SLC9C1: variants seen among roughly 807,000 people sequenced by gnomAD.
The protein encoded by SLC9C1 is sodium/hydrogen exchanger 10.
A neutral mutation model predicts 140.9 loss-of-function variants in SLC9C1; 97 were observed. The observed-to-expected ratio is 0.69, with a 90% confidence interval of 0.58 to 0.82. SLC9C1 has a LOEUF of 0.82. Among genes scored for constraint, SLC9C1 ranks in the 40% least tolerant of loss-of-function variants. The pLI, the probability that SLC9C1 is intolerant of heterozygous loss-of-function variation, is 0.00. For missense variants in SLC9C1, 1,340 were observed against 1,389.3 expected, an observed-to-expected ratio of 0.96 and a Z score of 0.56; for synonymous variants, 440 against 442.6, an observed-to-expected ratio of 0.99 and a Z score of 0.07.
At chr3:112,240,722 A>C (rs1001850125) in intron 11 of SLC9C1, among the ~76,000 whole-genome samples, 8 of 152,232 alleles carry the variant, frequency 5.3e-5, no homozygotes, top group Non-Finnish European at 1.0e-4. Context: ...AGTTAAGCAC[A>C]TATGATAAAT....
chr3:112,263,042 C>A lies in SLC9C1; in HGVS notation c.1079G>T (p.Ser360Ile). 3.1e-6 allele frequency: 5 copies of A among 1,602,050 alleles called. No homozygotes were observed. The highest frequency in any genetic ancestry group is 4.3e-6 in the Non-Finnish European group (5 of 1,174,930). The change falls in exon 10 of 29, where the codon AGT becomes ATT. Residue 360 changes from serine (S) to isoleucine (I), a missense_variant. Coordinates refer to ENST00000305815, the MANE Select transcript of SLC9C1 (RefSeq NM_183061.3). Reference protein sequence around the residue: ...PVLSRVGHEFSWRWIFIMVCS... With the variant: ...PVLSRVGHEFIWRWIFIMVCS... ...GACCATTATGAATATCCAGCGCCAA[C>A]TGAACTCATGACCAACTCGAGACAA...
chr3:112,221,874 T>C (rs1009763059), intron 13 of SLC9C1, among the ~76,000 whole-genome samples: 2 of 152,170 alleles, frequency 1.3e-5, no homozygotes, highest in African/African-American at 4.8e-5. Context: ...ATCCATATGC[T>C]GAACACTATT....
At chr3:112,150,801 TATATATATAAATACATATAC>T (rs1281968570) in intron 28 of SLC9C1, among the ~76,000 whole-genome samples, 11 of 48,532 alleles carry the variant, frequency 2.3e-4, no homozygotes, top group East Asian at 1.0e-3. Flanking sequence ...TACATATATA[TATATATATAAATACATATAC>T]ATATATATAT....
At chr3:112,247,770 T>C (rs1349143760) in intron 10 of SLC9C1, among the ~76,000 whole-genome samples, 1 of 151,998 alleles carries the variant, frequency 6.6e-6, no homozygotes, top group Non-Finnish European at 1.5e-5. Context: ...TTTTATAATA[T>C]CAGAACTTTG....
chr3:112,232,174 C>T (rs6781343), intron 12 of SLC9C1, among the ~76,000 whole-genome samples: 44,751 of 151,816 alleles, frequency 0.29, 6,750 homozygotes, highest in East Asian at 0.36. Flanking sequence ...ATGTTTGCAT[C>T]ACAAAAAGGA....
chr3:112,256,908 G>GCAC (rs1439591182), intron 10 of SLC9C1, among the ~76,000 whole-genome samples: 1 of 151,948 alleles, frequency 6.6e-6, no homozygotes, highest in African/African-American at 2.4e-5. Context: ...GCATTCTTAT[G>GCAC]CACCACCACC....
At chr3:112,172,343 A>C (rs1025427821) in intron 23 of SLC9C1, among the ~76,000 whole-genome samples, 1 of 151,738 alleles carries the variant, frequency 6.6e-6, no homozygotes, top group Non-Finnish European at 1.5e-5. Context: ...AAAAGAATTA[A>C]AAATTTTATT....
At chr3:112,230,334 A>T (rs2078787751) in intron 13 of SLC9C1, among the ~76,000 whole-genome samples, 1 of 152,168 alleles carries the variant, frequency 6.6e-6, no homozygotes. Flanking sequence ...TTTACATTAC[A>T]GAACCATGGC....
chr3:112,255,387 T>A (rs2079576572), intron 10 of SLC9C1, among the ~76,000 whole-genome samples: 1 of 152,066 alleles, frequency 6.6e-6, no homozygotes, highest in Non-Finnish European at 1.5e-5. Flanking sequence ...GAACACACTC[T>A]AAGATCACAG....
chr3:112,187,240 T>C (rs1560042833), intron 20 of SLC9C1, among the ~76,000 whole-genome samples: 1 of 152,220 alleles, frequency 6.6e-6, no homozygotes, highest in African/African-American at 2.4e-5. Flanking sequence ...ACATGACAGA[T>C]TGCTGTGAGA....
rs138821775 is a variant in SLC9C1, at chr3:112,171,257, C to G, written c.2920-1929G>C. Among the ~76,000 whole-genome samples the G allele has an allele frequency of 3.4e-3, 518 of 152,026 alleles. 4 individuals carry two copies. The highest frequency in any genetic ancestry group is 0.011 in the African/African-American group (476 of 41,486). On this transcript the variant is annotated intron_variant, in intron 23 of 28. Transcript: ENST00000305815. ...AAAAGAAAAGAAAATTTTAGTTGCT[C>G]CACGTCCTTGCCAATACCTGTTATT...
chr3:112,236,069 G>A (rs2078977212), intron 12 of SLC9C1, among the ~76,000 whole-genome samples: 7 of 152,078 alleles, frequency 4.6e-5, no homozygotes, highest in Admixed American at 4.6e-4. Context: ...TGTACCTCTG[G>A]TAGAATTCGG....
At chr3:112,265,439 A>T (rs2079890735) in intron 8 of SLC9C1, among the ~76,000 whole-genome samples, 3 of 152,104 alleles carry the variant, frequency 2.0e-5, no homozygotes, top group Admixed American at 6.6e-5. Flanking sequence ...ATGGAATTTT[A>T]TTGAAGTGCT....
intron 15 of SLC9C1, 52 bp downstream of exon 15, chr3:112,217,390 G>T: frequency 6.7e-7 from 1 of 1,495,538 alleles, no homozygotes; most frequent in Non-Finnish European, 8.9e-7. Context: ...GAAAAAACAG[G>T]GAATTTCAAG....
intron 20 of SLC9C1, among the ~76,000 whole-genome samples, chr3:112,195,930 T>C (rs1159743141): frequency 6.6e-6 from 1 of 152,162 alleles, no homozygotes; most frequent in East Asian, 1.9e-4. Context: ...AAAGTGGAGT[T>C]ACACATCATG....
At chr3:112,284,525 G>A (rs2080448864) in intron 2 of SLC9C1, among the ~76,000 whole-genome samples, 1 of 152,210 alleles carries the variant, frequency 6.6e-6, no homozygotes, top group Non-Finnish European at 1.5e-5. Context: ...AGATAAAGCT[G>A]ACTATGGGAA....
intron 20 of SLC9C1, among the ~76,000 whole-genome samples, chr3:112,195,936 T>C (rs533188186): frequency 6.6e-6 from 1 of 152,268 alleles, no homozygotes; most frequent in South Asian, 2.1e-4. Flanking sequence ...GAGTTACACA[T>C]CATGATTACA....
chr3:112,211,500 T>A lies in SLC9C1; in HGVS notation c.1791-3127A>T, dbSNP rs140658297. ...GATGAAATCTGGAAAATCGGGTCAC[T>A]CCCACCCTAATACTGCACTTTTCCA... is the stretch of plus-strand genomic sequence containing the variant. On this transcript the variant is annotated intron_variant, in intron 15 of 28. Coordinates refer to ENST00000305815, the MANE Select transcript of SLC9C1 (RefSeq NM_183061.3). Among the ~76,000 whole-genome samples, 353 of 152,282 alleles carry A rather than the reference T, an allele frequency of 2.3e-3. 1 individual carries two copies. The highest frequency in any genetic ancestry group is 7.7e-3 in the African/African-American group (322 of 41,554).
At chr3:112,210,359 A>G (rs2078167995) in intron 15 of SLC9C1, among the ~76,000 whole-genome samples, 1 of 152,260 alleles carries the variant, frequency 6.6e-6, no homozygotes, top group Non-Finnish European at 1.5e-5. Context: ...GATACATGCT[A>G]CAAAGAGGAT....
Sources: allele counts gnomAD v4.1 joint callset (sites outside exome capture counted in the v4.1 genomes callset), GRCh38; gene constraint gnomAD v4.1.1; transcripts MANE v1.5; gene names NCBI Gene and HGNC (gene_info 2026-07-23, HGNC 2026-07-21).